The following TOGARAM1 variants were observed in gnomAD, a reference collection of about 807,000 sequenced individuals.
TOGARAM1 encodes the protein TOG array regulator of axonemal microtubules 1.
TOGARAM1 carries 100 observed loss-of-function variants against 166.6 expected under a neutral mutation model. The ratio of observed to expected loss-of-function variants is 0.60; its 90% CI spans 0.51 to 0.71. The LOEUF (loss-of-function observed/expected upper bound fraction) is 0.71, where lower values mean the gene tolerates loss of function less well. TOGARAM1 is among the 30% of genes least tolerant of loss of function. The probability of loss-of-function intolerance (pLI) is 0.00; values close to 1 mark genes in which losing one functional copy is unlikely to be tolerated. For missense variants in TOGARAM1, 2,029 were observed against 2,102.7 expected, an observed-to-expected ratio of 0.96 and a Z score of 0.69; for synonymous variants, 758 against 763.8, an observed-to-expected ratio of 0.99 and a Z score of 0.13.
In TOGARAM1 at chr14:44,963,700, G is replaced by A; in HGVS notation, c.1279G>A (p.Glu427Lys). 1 of 1,613,932 alleles carries A rather than the reference G, an allele frequency of 6.2e-7. No individual in the cohort carries two copies. The highest frequency in any genetic ancestry group is 2.2e-5 in the East Asian group (1 of 44,884). Residue 427 changes from glutamate to lysine, a missense_variant, in exon 1 of 20, where the codon GAG becomes AAG. Coordinates refer to ENST00000361462, the MANE Select transcript of TOGARAM1 (RefSeq NM_001308120.2). ...GCATTTACTGGTTATTCGCCTTGGAGAGCAGGTACAGCAGTTCTTGGGACC... is the reference window on the plus strand; with the variant it reads ...GCATTTACTGGTTATTCGCCTTGGAAAGCAGGTACAGCAGTTCTTGGGACC... ...VLHLLVIRLG[E>K]QVQQFLGPVI...
chr14:45,004,494 A>C (rs1424374703), intron 4 of TOGARAM1, 128 bp downstream of exon 4: 6 of 690,988 alleles, frequency 8.7e-6, no homozygotes, highest in Non-Finnish European at 1.4e-5. Context: ...GTAAATATTT[A>C]GGAAAATATT....
At position 45,053,358 on chromosome 14, in the gene TOGARAM1, TC is replaced by T. The variant is rs1882475594; in HGVS notation, c.4440+798del. ...GCCCAGCCATGCCATGTCTTATTTG[TC>T]CTGGTAGATAATGGGAATTCAGTAA... is the stretch of plus-strand genomic sequence containing the variant. On this transcript the variant is annotated intron_variant, in intron 15 of 19. Transcript: ENST00000361462. 2.0e-5 allele frequency among the ~76,000 whole-genome samples: 3 copies of T among 152,214 alleles called. No individual in the cohort carries two copies. In the East Asian group the frequency reaches 5.8e-4, roughly 29 times the overall value.
In TOGARAM1 at chr14:44,962,683, G is replaced by A. The variant is rs771077799; in HGVS notation, c.262G>A (p.Gly88Ser). ...VSSSWSESGG[G>S]LSGGDEEDTR... ...AAGCAGCTGGTCTGAGTCTGGAGGC[G>A]GTTTGTCAGGGGGAGATGAAGAGGA... The change falls in exon 1 of 20, where the codon GGT (glycine) becomes AGT (serine). Residue 88 changes from glycine (G) to serine (S), a missense_variant. Coordinates refer to ENST00000361462, the MANE Select transcript of TOGARAM1 (RefSeq NM_001308120.2). 6.2e-7 allele frequency: 1 copy of A among 1,614,166 alleles called. No individual in the cohort carries two copies. Among genetic ancestry groups the A allele is most frequent in the South Asian group, 1.1e-5 (1 of 91,080 alleles).
intron 16 of TOGARAM1, among the ~76,000 whole-genome samples, chr14:45,058,896 T>A (rs1882773057): frequency 6.6e-6 from 1 of 152,122 alleles, no homozygotes; most frequent in African/African-American, 2.4e-5. Flanking sequence ...CTTTTTATGA[T>A]TGCTTTATAT....
chr14:45,063,479 GTT>G (rs373702236), intron 16 of TOGARAM1, among the ~76,000 whole-genome samples: 195 of 118,652 alleles, frequency 1.6e-3, no homozygotes, highest in African/African-American at 6.2e-3. Context: ...ATTTGACAAA[GTT>G]TTTTTTTTTT....
chr14:44,985,203 G>C (rs553444725), intron 1 of TOGARAM1, among the ~76,000 whole-genome samples: 1 of 152,188 alleles, frequency 6.6e-6, no homozygotes, highest in South Asian at 2.1e-4. Context: ...TAGTAGAGAC[G>C]AGGTTTCACA....
At chr14:44,985,371 A>G (rs1192028052) in intron 1 of TOGARAM1, among the ~76,000 whole-genome samples, 3 of 152,176 alleles carry the variant, frequency 2.0e-5, no homozygotes, top group East Asian at 1.9e-4. Context: ...CCCAAAGCAT[A>G]TATGTATCCT....
rs1235615919 is a variant in TOGARAM1, at chr14:45,068,681, T to A, written c.4969+38T>A. On this transcript the variant is annotated intron_variant, in intron 18 of 19. Transcript: ENST00000361462. Reference sequence around the variant, plus strand: ...ACTTCGGCACTCAAATTATTTTCACTTTCTTTTCATGTTTTCTGATTCCAT... The same window carrying A: ...ACTTCGGCACTCAAATTATTTTCACATTCTTTTCATGTTTTCTGATTCCAT... 3.4e-6 allele frequency: 5 copies of A among 1,466,706 alleles called. No individual in the cohort carries two copies. In the African/African-American group the frequency reaches 5.7e-5, roughly 17 times the overall value. The allele number at this position is 1,466,706 out of a possible 1,614,324, so 90.9% of individuals were successfully genotyped here.
Position 44,963,586 on chromosome 14 carries a change from C to T in TOGARAM1, c.1165C>T (p.His389Tyr). 3 of 1,613,694 alleles carry T rather than the reference C, an allele frequency of 1.9e-6. No individual in the cohort carries two copies. Among genetic ancestry groups the T allele is most frequent in the South Asian group, 2.2e-5 (2 of 91,044 alleles). Residue 389 changes from histidine to tyrosine, a missense_variant, in exon 1 of 20, where the codon CAT becomes TAT. This residue lies in a region of TOGARAM1 where 1,453 missense variants were observed against 1,432.2 expected (regional missense o/e 1.01). Coordinates refer to ENST00000361462, the MANE Select transcript of TOGARAM1 (RefSeq NM_001308120.2). ...AAAATTTAACCCTAGTTCTACTCCT[C>T]ATTCTAGTCTTGTTGGCTTCATTAG... ...LGKFNPSSTPHSSLVGFISLL... is the reference protein window; with the variant it reads ...LGKFNPSSTPYSSLVGFISLL...
chr14:45,000,295 G>A (rs1461442291), intron 3 of TOGARAM1, among the ~76,000 whole-genome samples: 3 of 152,012 alleles, frequency 2.0e-5, no homozygotes, highest in East Asian at 1.9e-4. Context: ...CACTGTGCCC[G>A]GCCTCTTATT....
At chr14:45,013,704 T>G (rs1879947255) in intron 7 of TOGARAM1, among the ~76,000 whole-genome samples, 1 of 152,202 alleles carries the variant, frequency 6.6e-6, no homozygotes, top group African/African-American at 2.4e-5. Context: ...CAATATGTAT[T>G]TGTCCTCTAA....
At chr14:45,045,672 TATATATATACACATATATACAC>T (rs1882015569) in intron 13 of TOGARAM1, among the ~76,000 whole-genome samples, 1 of 97,938 alleles carries the variant, frequency 1.0e-5, no homozygotes, top group African/African-American at 6.6e-5. Flanking sequence ...TATATATGTG[TATATATATACACATATATACAC>T]ATATATATGT....
At chr14:44,972,779 T>C (rs370052421) in intron 1 of TOGARAM1, among the ~76,000 whole-genome samples, 2 of 152,176 alleles carry the variant, frequency 1.3e-5, no homozygotes, top group South Asian at 2.1e-4. Context: ...ATGGGTTTCT[T>C]GTAGACAGCC....
intron 7 of TOGARAM1, among the ~76,000 whole-genome samples, chr14:45,018,192 A>T (rs28756151): frequency 0.16 from 24,311 of 152,042 alleles, 3,610 homozygotes; most frequent in African/African-American, 0.4. Flanking sequence ...TTTCATGTGA[A>T]TAGCAGCTGT....
chr14:45,004,323 G>A lies in TOGARAM1; in HGVS notation c.2601G>A (p.Lys867=). 3 of 1,613,896 alleles carry A rather than the reference G, an allele frequency of 1.9e-6. No homozygotes were observed. The highest frequency in any genetic ancestry group is 2.5e-6 in the Non-Finnish European group (3 of 1,179,910). Residue 867 remains lysine, a synonymous_variant, in exon 4 of 20, where the codon AAG becomes AAA. Transcript: ENST00000361462. ...EGLSKPSPQK[K]LVSQKSSDPT... is the part of the protein sequence containing the mutation. ...TATCAAAGCCAAGTCCACAGAAGAA[G>A]CTTGTCAGCCAAAAATCGTCTGATC...
chr14:45,005,634 A>G (rs1471955947), intron 4 of TOGARAM1, among the ~76,000 whole-genome samples: 1 of 152,120 alleles, frequency 6.6e-6, no homozygotes, highest in Non-Finnish European at 1.5e-5. Context: ...ATAAATAAAT[A>G]AAAATAAAAA....
In TOGARAM1 at chr14:45,074,217, T is replaced by A. The variant is rs868024693; in HGVS notation, c.*656T>A. 6.6e-6 allele frequency: 1 copy of A among 152,666 alleles called. No individual in the cohort carries two copies. Among genetic ancestry groups the A allele is most frequent in the African/African-American group, 2.4e-5 (1 of 41,464 alleles). 9.5% of individuals were successfully genotyped at this position (152,666 alleles called of 1,614,324 possible). On this transcript the variant is annotated 3_prime_UTR_variant, in exon 20 of 20. Coordinates refer to ENST00000361462, the MANE Select transcript of TOGARAM1 (RefSeq NM_001308120.2). ...TTAAATGCACGTTTAAAAAACGTGT[T>A]GAATGTAACCCCCCTATTTTTGTGT...
intron 18 of TOGARAM1, among the ~76,000 whole-genome samples, chr14:45,069,327 C>T (rs575944824): frequency 1.3e-5 from 2 of 151,986 alleles, no homozygotes; most frequent in South Asian, 4.2e-4. Flanking sequence ...CAAGATTGTA[C>T]CACTGCACTG....
chr14:45,031,826 C>T (rs901976642), intron 10 of TOGARAM1, among the ~76,000 whole-genome samples: 11 of 152,092 alleles, frequency 7.2e-5, no homozygotes, highest in African/African-American at 2.7e-4. Flanking sequence ...AATAAATATT[C>T]ATCACAACTG....
Sources: gnomAD v4.1 joint callset for allele counts (sites outside exome capture counted in the v4.1 genomes callset) on GRCh38, gnomAD v4.1.1 for gene constraint, gnomAD v4.1.1 regional missense constraint, MANE v1.5 for transcripts, NCBI Gene and HGNC (gene_info 2026-07-23, HGNC 2026-07-21) for gene names.